CFAP206: variants seen among roughly 807,000 people sequenced by gnomAD.
CFAP206 encodes cilia and flagella associated protein 206, also known as cilia- and flagella-associated protein 206.
Under a neutral mutation model 65.4 loss-of-function variants are expected in CFAP206, and 53 were observed. That is an observed-to-expected ratio of 0.81 (90% CI 0.65 to 1.02). The LOEUF is 1.02. CFAP206 is among the 50% of genes least tolerant of loss of function. CFAP206 has a pLI of 0.00. For missense variants in CFAP206, 663 were observed against 753.2 expected (o/e 0.88, Z 1.40); for synonymous variants, 250 against 254.4 (o/e 0.98, Z 0.17).
rs1344757746 is a variant in CFAP206, at chr6:87,418,430, A to G, written c.840+14A>G. On this transcript the variant is annotated intron_variant, in intron 7 of 12. Transcript: ENST00000369562. ...CAGATCATTTTGGTGAGTTAAGTTC[A>G]TAAGACCTGACCTTTTCTATATAAT... is the stretch of plus-strand genomic sequence containing the variant. 8.7e-6 allele frequency: 14 copies of G among 1,605,882 alleles called. No individual in the cohort carries two copies. The highest frequency in any genetic ancestry group is 3.5e-4 in the Middle Eastern group (2 of 5,678).
intron 5 of CFAP206, 110 bp downstream of exon 5, chr6:87,415,984 A>T: frequency 3.3e-5 from 6 of 181,676 alleles, no homozygotes; most frequent in Non-Finnish European, 4.2e-5. Context: ...TTTTTATCTG[A>T]AAAAAAAAAA....
intron 7 of CFAP206, among the ~76,000 whole-genome samples, chr6:87,425,250 C>T (rs1768018905): frequency 6.6e-6 from 1 of 152,130 alleles, no homozygotes; most frequent in African/African-American, 2.4e-5. Context: ...GACAAATTTT[C>T]TTTTAAGACA....
Position 87,409,817 on chromosome 6 carries a change from A to T in CFAP206, c.-5-18A>T, listed in dbSNP as rs1554220314. Reference sequence around the variant, plus strand: ...ATAAAACCACGGTTTTTTTAAAAAAAATTGTTGTTTTATTTAGCCAGAATG... The same window carrying T: ...ATAAAACCACGGTTTTTTTAAAAAATATTGTTGTTTTATTTAGCCAGAATG... On this transcript the variant is annotated intron_variant, in intron 1 of 12. Transcript: ENST00000369562. 3.2e-6 allele frequency: 5 copies of T among 1,546,218 alleles called. No individual in the cohort carries two copies. The South Asian group carries it at 5.9e-5, about 18-fold the overall frequency.
At chr6:87,421,435 G>A (rs1353423387) in intron 7 of CFAP206, among the ~76,000 whole-genome samples, 6 of 152,134 alleles carry the variant, frequency 3.9e-5, no homozygotes, top group Non-Finnish European at 8.8e-5. Context: ...GCAGTGAGCT[G>A]AGATCGTGCC....
intron 11 of CFAP206, among the ~76,000 whole-genome samples, chr6:87,451,803 C>A (rs906860980): frequency 6.6e-6 from 1 of 151,164 alleles, no homozygotes; most frequent in African/African-American, 2.4e-5. Flanking sequence ...GCTTCCCTGG[C>A]GGAGCTTGCA....
chr6:87,447,624 T>C (rs1768466329), intron 11 of CFAP206, among the ~76,000 whole-genome samples: 2 of 152,214 alleles, frequency 1.3e-5, no homozygotes, highest in Admixed American at 1.3e-4. Flanking sequence ...ATCAGGGATA[T>C]TGGCCTGCAG....
chr6:87,444,474 C>T (rs1246356512), intron 11 of CFAP206: 2 of 222,912 alleles, frequency 9.0e-6, no homozygotes, highest in Non-Finnish European at 1.9e-5. Context: ...TTTTGACATA[C>T]TTGCTGGGTT....
chr6:87,428,698 A>G lies in CFAP206; in HGVS notation c.1033A>G (p.Asn345Asp), dbSNP rs1347442838. 6.2e-7 allele frequency: 1 copy of G among 1,614,036 alleles called. No homozygotes were observed. Among genetic ancestry groups the G allele is most frequent in the Non-Finnish European group, 8.5e-7 (1 of 1,180,024 alleles). ...DETIVVGVLS[N>D]LFTHIQPFLG... is the part of the protein sequence containing the mutation. ...AACTATTGTGGTTGGTGTCCTCAGT[A>G]ATTTATTCACTCACATTCAGCCATT... Residue 345 changes from asparagine (N) to aspartate (D), a missense_variant, in exon 9 of 13, where the codon AAT becomes GAT. Transcript: ENST00000369562.
chr6:87,416,698 G>C lies in CFAP206; in HGVS notation c.502G>C (p.Glu168Gln). 1 of 1,612,332 alleles carries C rather than the reference G, an allele frequency of 6.2e-7. No homozygotes were observed. Among genetic ancestry groups the C allele is most frequent in the Non-Finnish European group, 8.5e-7 (1 of 1,179,294 alleles). The change falls in exon 6 of 13, where the codon GAG becomes CAG. Residue 168 changes from glutamate to glutamine, a missense_variant. Coordinates refer to ENST00000369562, the MANE Select transcript of CFAP206 (RefSeq NM_001031743.3). ...TCTACAGAGTGTTTTTCCTCAGGCA[G>C]AGCTTGGGACATTTCTAACTCTTTC... ...AALQSVFPQA[E>Q]LGTFLTLSKK...
At chr6:87,459,226 G>T (rs984702368) in intron 11 of CFAP206, among the ~76,000 whole-genome samples, 2 of 152,034 alleles carry the variant, frequency 1.3e-5, no homozygotes, top group Non-Finnish European at 2.9e-5. Context: ...ATTAGAAAAT[G>T]CCATTCATTT....
chr6:87,445,615 A>C (rs1234720950), intron 11 of CFAP206, among the ~76,000 whole-genome samples: 1 of 152,156 alleles, frequency 6.6e-6, no homozygotes, highest in Non-Finnish European at 1.5e-5. Context: ...ATTGATGGGC[A>C]CTTAGATTGA....
At chr6:87,408,268 C>T (rs1010925993) in intron 1 of CFAP206, among the ~76,000 whole-genome samples, 179 bp downstream of exon 1, 1 of 152,236 alleles carries the variant, frequency 6.6e-6, no homozygotes, top group Admixed American at 6.5e-5. Flanking sequence ...CGGTCCATTC[C>T]TGCCGGAGGC....
At chr6:87,413,169 G>A (rs902786632) in intron 3 of CFAP206, among the ~76,000 whole-genome samples, 21 of 152,236 alleles carry the variant, frequency 1.4e-4, no homozygotes, top group South Asian at 2.1e-4. Context: ...TAACTCAAGG[G>A]AAATAACTTA....
rs547681782 is a variant in CFAP206, at chr6:87,421,441, G to A, written c.840+3025G>A. On this transcript the variant is annotated intron_variant, in intron 7 of 12. Transcript: ENST00000369562. ...ACAGAGGTTGCAGTGAGCTGAGATCGTGCCACTGCATTCCAGCCTGGGCGA... is the reference window on the plus strand; with the variant it reads ...ACAGAGGTTGCAGTGAGCTGAGATCATGCCACTGCATTCCAGCCTGGGCGA... Among the ~76,000 whole-genome samples the A allele has an allele frequency of 1.3e-4, 20 of 152,202 alleles. 1 individual carries two copies. The highest frequency in any genetic ancestry group is 3.9e-4 in the East Asian group (2 of 5,176).
intron 11 of CFAP206, among the ~76,000 whole-genome samples, chr6:87,440,870 A>G (rs1321055942): frequency 6.6e-6 from 1 of 152,194 alleles, no homozygotes; most frequent in Non-Finnish European, 1.5e-5. Context: ...TTGCTTTCAC[A>G]AGTGTTAAGA....
chr6:87,456,645 A>G (rs1768647497), intron 11 of CFAP206, among the ~76,000 whole-genome samples: 1 of 152,218 alleles, frequency 6.6e-6, no homozygotes, highest in South Asian at 2.1e-4. Context: ...AACTAATACA[A>G]CTGATAAACA....
Position 87,446,492 on chromosome 6 carries a change from G to A in CFAP206, c.1494+11439G>A, listed in dbSNP as rs570926246. Among the ~76,000 whole-genome samples the A allele has an allele frequency of 2.6e-5, 4 of 152,130 alleles. 1 individual carries two copies. In the East Asian group the frequency reaches 7.7e-4, roughly 29 times the overall value. On this transcript the variant is annotated intron_variant, in intron 11 of 12. Coordinates refer to ENST00000369562, the MANE Select transcript of CFAP206 (RefSeq NM_001031743.3). ...CATCCTTTCCCCATTGGTTGTCAAA[G>A]ATCATATGGTTGTAGGTGTGCAGTT...
At chr6:87,457,959 A>G (rs879640729) in intron 11 of CFAP206, among the ~76,000 whole-genome samples, 2 of 152,250 alleles carry the variant, frequency 1.3e-5, no homozygotes, top group Non-Finnish European at 2.9e-5. Flanking sequence ...TAAGGAGCTC[A>G]AACAACTCAA....
chr6:87,438,111 G>T (rs1768304400), intron 11 of CFAP206, among the ~76,000 whole-genome samples: 1 of 152,028 alleles, frequency 6.6e-6, no homozygotes, highest in Non-Finnish European at 1.5e-5. Context: ...TATTAAGAGA[G>T]GTAAAGAAAG....
Sources: allele counts gnomAD v4.1 joint callset (sites outside exome capture counted in the v4.1 genomes callset), GRCh38; gene constraint gnomAD v4.1.1; transcripts MANE v1.5; gene names NCBI Gene and HGNC (gene_info 2026-07-23, HGNC 2026-07-21).